The following WDR27 variants were observed in gnomAD, a reference collection of about 807,000 sequenced individuals.
WDR27 encodes the protein WD repeat domain 27.
WDR27 carries 100 observed loss-of-function variants against 114.4 expected under a neutral mutation model. The observed-to-expected ratio is 0.87, with a 90% CI of 0.74 to 1.03. The LOEUF (loss-of-function observed/expected upper bound fraction) is 1.03, where lower values mean the gene tolerates loss of function less well. WDR27 is among the 50% of genes least tolerant of loss of function. The pLI is 0.00. For missense variants in WDR27, 1,129 were observed against 1,092.9 expected, an observed-to-expected ratio of 1.03 and a Z score of -0.47; for synonymous variants, 449 against 423.1, an observed-to-expected ratio of 1.06 and a Z score of -0.75.
At chr6:169,667,033 T>A (rs1828016811) in intron 6 of WDR27, 103 bp downstream of exon 6, 4 of 1,336,062 alleles carry the variant, frequency 3.0e-6, no homozygotes, top group Non-Finnish European at 1.9e-6. Context: ...CTCATTCAGA[T>A]CCACTCGAAT....
At chr6:169,470,886 C>T (rs1376489616) in intron 25 of WDR27, among the ~76,000 whole-genome samples, 1 of 152,146 alleles carries the variant, frequency 6.6e-6, no homozygotes, top group African/African-American at 2.4e-5. Context: ...TGGCATTCTG[C>T]TCTCATTCTG....
intron 25 of WDR27, among the ~76,000 whole-genome samples, chr6:169,481,716 GATGAACAACTCCAGACGGGAGGA>G (rs920528715): frequency 1.4e-4 from 21 of 151,862 alleles, no homozygotes; most frequent in African/African-American, 1.9e-4. Flanking sequence ...CACTGGGAGA[GATGAACAACTCCAGACGGGAGGA>G]ATGAACAACT....
intron 24 of WDR27, among the ~76,000 whole-genome samples, chr6:169,579,017 G>C (rs1445303223): frequency 1.3e-5 from 2 of 152,146 alleles, no homozygotes; most frequent in African/African-American, 4.8e-5. Context: ...TCCTGGCTGA[G>C]CCGATTTCCA....
At chr6:169,478,915 T>C (rs1787566213) in intron 25 of WDR27, among the ~76,000 whole-genome samples, 1 of 152,206 alleles carries the variant, frequency 6.6e-6, no homozygotes, top group Admixed American at 6.5e-5. Context: ...TAATTCAAAA[T>C]GGACTAAAGA....
chr6:169,534,683 G>C (rs184399851), intron 25 of WDR27, among the ~76,000 whole-genome samples: 1 of 151,902 alleles, frequency 6.6e-6, no homozygotes, highest in East Asian at 1.9e-4. Context: ...TAATATAGTA[G>C]TTAAAATATT....
chr6:169,593,441 TC>T (rs1369383524), intron 23 of WDR27, among the ~76,000 whole-genome samples: 1 of 152,246 alleles, frequency 6.6e-6, no homozygotes, highest in African/African-American at 2.4e-5. Context: ...ATTTTCAAAA[TC>T]CTTCTGCTCC....
chr6:169,630,531 C>T (rs985328126), intron 21 of WDR27, among the ~76,000 whole-genome samples: 2 of 152,214 alleles, frequency 1.3e-5, no homozygotes, highest in Admixed American at 6.5e-5. Context: ...TAACATTCTA[C>T]ATCCAAATAT....
chr6:169,593,582 T>C (rs2128158083), intron 23 of WDR27, among the ~76,000 whole-genome samples: 1 of 152,304 alleles, frequency 6.6e-6, no homozygotes, highest in Non-Finnish European at 1.5e-5. Flanking sequence ...GTATGGTGGC[T>C]CATGCCTGTA....
intron 25 of WDR27, among the ~76,000 whole-genome samples, chr6:169,483,846 T>C (rs1221238253): frequency 6.6e-6 from 1 of 151,498 alleles, no homozygotes; most frequent in Non-Finnish European, 1.5e-5. Context: ...GTAGGCTTCA[T>C]CCCCAGATGC....
chr6:169,492,947 A>T (rs1335677220), intron 25 of WDR27, among the ~76,000 whole-genome samples: 1 of 152,088 alleles, frequency 6.6e-6, no homozygotes, highest in Non-Finnish European at 1.5e-5. Context: ...TTAAAGGTAA[A>T]AATTAAGTCA....
intron 14 of WDR27, among the ~76,000 whole-genome samples, chr6:169,651,212 T>A (rs1434271788): frequency 3.1e-5 from 2 of 63,796 alleles, no homozygotes; most frequent in Non-Finnish European, 5.5e-5. Flanking sequence ...AGTGGGGGAG[T>A]GGCCAGGGGC....
the WDR27 span, among the ~76,000 whole-genome samples, chr6:169,430,940 C>T: frequency 1.7e-4 from 26 of 152,112 alleles, no homozygotes; most frequent in Non-Finnish European, 2.5e-4. Context: ...TCTTGTCCTG[C>T]CCATATAAAC....
At chr6:169,528,613 G>T (rs540766885) in intron 25 of WDR27, among the ~76,000 whole-genome samples, 1 of 152,222 alleles carries the variant, frequency 6.6e-6, no homozygotes, top group Admixed American at 6.5e-5. Context: ...TGCAACCTCT[G>T]CCTCTCAGGT....
At chr6:169,673,577 TG>T in intron 2 of WDR27, among the ~76,000 whole-genome samples, 1 of 151,866 alleles carries the variant, frequency 6.6e-6, no homozygotes, top group South Asian at 2.1e-4. Flanking sequence ...TGACCCCAGA[TG>T]CTGGGGTCAC....
At chr6:169,561,278 G>T (rs60337009) in intron 25 of WDR27, among the ~76,000 whole-genome samples, 2,461 of 152,150 alleles carry the variant, frequency 0.016, 64 homozygotes, top group African/African-American at 0.057. Context: ...ATTCCTGTCA[G>T]GAGGCTCTTC....
intron 24 of WDR27, among the ~76,000 whole-genome samples, chr6:169,577,265 A>G (rs1305046081): frequency 6.6e-6 from 1 of 151,938 alleles, no homozygotes; most frequent in East Asian, 1.9e-4. Context: ...TGGGACGCGG[A>G]GGTGGTGGCT....
chr6:169,638,796 T>A, intron 17 of WDR27, 136 bp from the exon 18 acceptor site: 1 of 1,054,474 alleles, frequency 9.5e-7, no homozygotes, highest in East Asian at 2.7e-5. Context: ...CCAGGAGGCT[T>A]CTCCTCGCCA....
chr6:169,626,594 C>T (rs778502053), intron 21 of WDR27, among the ~76,000 whole-genome samples: 4 of 152,206 alleles, frequency 2.6e-5, no homozygotes, highest in African/African-American at 4.8e-5. Context: ...AAACTGAATA[C>T]ACCTCCTGCC....
At chr6:169,518,526 T>C (rs1290993521) in intron 25 of WDR27, among the ~76,000 whole-genome samples, 1 of 152,236 alleles carries the variant, frequency 6.6e-6, no homozygotes, top group Non-Finnish European at 1.5e-5. Flanking sequence ...TGGCTGGAGC[T>C]AGAATGGCCT....
Sources: allele counts gnomAD v4.1 joint callset (sites outside exome capture counted in the v4.1 genomes callset), GRCh38; gene constraint gnomAD v4.1.1; transcripts MANE v1.5; gene names NCBI Gene and HGNC (gene_info 2026-07-23, HGNC 2026-07-21).